The following CAMTA1 variants were observed in gnomAD, a reference collection of about 807,000 sequenced individuals.
The protein encoded by CAMTA1 is calmodulin-binding transcription activator 1.
In CAMTA1, 27 loss-of-function variants were observed where a neutral mutation model predicts 170.9. That is an observed-to-expected ratio of 0.16 (90% CI 0.12 to 0.22). CAMTA1 has a LOEUF of 0.22. Ranked by LOEUF, CAMTA1 falls within the 10% of genes least tolerant of loss-of-function variation. The pLI is 1.00. For synonymous variants in CAMTA1, 833 were observed against 891.5 expected, an observed-to-expected ratio of 0.93 and a Z score of 1.17; for missense variants, 1,619 against 2,217.2, an observed-to-expected ratio of 0.73 and a Z score of 5.42.
intron 3 of CAMTA1, among the ~76,000 whole-genome samples, chr1:6,897,649 G>T (rs77781318): frequency 6.6e-6 from 1 of 152,258 alleles, no homozygotes; most frequent in East Asian, 1.9e-4. Context: ...TTAATTAGAA[G>T]TTAGTGTGTG....
At chr1:7,602,398 C>T (rs1382686282) in intron 6 of CAMTA1, among the ~76,000 whole-genome samples, 3 of 151,928 alleles carry the variant, frequency 2.0e-5, no homozygotes, top group East Asian at 1.9e-4. Context: ...GTGTATGTGT[C>T]GAGGAATTTA....
chr1:7,394,532 C>G (rs2089076649), intron 5 of CAMTA1, among the ~76,000 whole-genome samples: 1 of 152,036 alleles, frequency 6.6e-6, no homozygotes. Context: ...ACTTTTTAAT[C>G]AGATTATTTG....
intron 3 of CAMTA1, among the ~76,000 whole-genome samples, chr1:6,863,021 A>C (rs1665326953): frequency 6.6e-6 from 1 of 152,206 alleles, no homozygotes. Flanking sequence ...AGCTTTGTTG[A>C]GGTATAATTG....
chr1:7,111,127 T>A (rs1167657848), intron 4 of CAMTA1, among the ~76,000 whole-genome samples: 1 of 152,248 alleles, frequency 6.6e-6, no homozygotes, highest in Non-Finnish European at 1.5e-5. Context: ...GCTCTCTTTC[T>A]CTGACCTCCT....
chr1:6,954,757 TG>T (rs1349282499), intron 3 of CAMTA1, among the ~76,000 whole-genome samples: 3 of 152,160 alleles, frequency 2.0e-5, no homozygotes, highest in Admixed American at 2.0e-4. Flanking sequence ...CCTGGGCAGC[TG>T]GAGTGGGAGC....
At chr1:7,722,230 GTC>G (rs1259818271) in intron 11 of CAMTA1, among the ~76,000 whole-genome samples, 1 of 152,200 alleles carries the variant, frequency 6.6e-6, no homozygotes, top group Admixed American at 6.5e-5. Context: ...TCATGAAATT[GTC>G]TCTGTCTTTA....
chr1:7,335,207 T>G (rs1162313950), intron 5 of CAMTA1, among the ~76,000 whole-genome samples: 2 of 124,794 alleles, frequency 1.6e-5, no homozygotes, highest in African/African-American at 6.0e-5. Flanking sequence ...GGGTTTTGTT[T>G]AGATTCTTCT....
At chr1:7,017,134 C>G (rs1042658609) in intron 3 of CAMTA1, among the ~76,000 whole-genome samples, 5 of 152,306 alleles carry the variant, frequency 3.3e-5, no homozygotes, top group African/African-American at 1.2e-4. Flanking sequence ...CCCCGAGTCC[C>G]AGTTGTTTCA....
chr1:7,747,218 G>A (rs1577381440), intron 18 of CAMTA1, among the ~76,000 whole-genome samples: 1 of 152,274 alleles, frequency 6.6e-6, no homozygotes, highest in East Asian at 1.9e-4. Context: ...TCAACTGGAG[G>A]CCTGGGGGCT....
At chr1:7,288,688 C>T (rs1477489805) in intron 5 of CAMTA1, among the ~76,000 whole-genome samples, 1 of 152,188 alleles carries the variant, frequency 6.6e-6, no homozygotes, top group African/African-American at 2.4e-5. Context: ...TGAAAGAGAG[C>T]AGTAACCGTG....
chr1:7,073,723 A>G (rs1399751625), intron 3 of CAMTA1, among the ~76,000 whole-genome samples: 1 of 152,246 alleles, frequency 6.6e-6, no homozygotes, highest in African/African-American at 2.4e-5. Flanking sequence ...GAAATCATTG[A>G]TGACCTTGAC....
intron 5 of CAMTA1, among the ~76,000 whole-genome samples, chr1:7,445,975 G>C (rs1315988141): frequency 6.6e-6 from 1 of 152,080 alleles, no homozygotes; most frequent in African/African-American, 2.4e-5. Context: ...CGTGACCTTG[G>C]ACACAGCTGT....
At chr1:7,055,098 C>T (rs1399611620) in intron 3 of CAMTA1, among the ~76,000 whole-genome samples, 2 of 152,118 alleles carry the variant, frequency 1.3e-5, no homozygotes, top group Non-Finnish European at 2.9e-5. Context: ...CACGAGAACC[C>T]TACCCCCATG....
In CAMTA1 at chr1:7,135,818, C is replaced by T. The variant is rs145384342; in HGVS notation, c.302+44447C>T. On this transcript the variant is annotated intron_variant, in intron 4 of 22. Transcript: ENST00000303635. ...GGTTTTTAATATCCACACAGAGATC[C>T]TTTCAAAACCCAGGAGTACCAGCGA... Among the ~76,000 whole-genome samples, 8 of 152,258 alleles carry T rather than the reference C, an allele frequency of 5.3e-5. No homozygotes were observed. The East Asian group carries it at 1.4e-3, about 26-fold the overall frequency.
chr1:7,388,476 T>G (rs1384158570), intron 5 of CAMTA1: 1 of 152,290 alleles, frequency 6.6e-6, no homozygotes, highest in Non-Finnish European at 1.5e-5. Context: ...CCACACTCCT[T>G]CCTGATTTCA....
rs367638667 is a variant in CAMTA1 at position 6,836,572 on chromosome 1, CATGTGTGTGT to C, written c.234+11383_234+11392del. Among the ~76,000 whole-genome samples the C allele has an allele frequency of 3.3e-3, 500 of 152,206 alleles. 3 individuals carry two copies. Among genetic ancestry groups the C allele is most frequent in the African/African-American group, 0.01 (436 of 41,530 alleles). Reference sequence around the variant, plus strand: ...ATTGGACAAGGTGAAGCAGAGTCCACATGTGTGTGTATGTGTGTGTATGTGTGTGTGCATG... The same window carrying C: ...ATTGGACAAGGTGAAGCAGAGTCCACATGTGTGTGTATGTGTGTGTGCATG... On this transcript the variant is annotated intron_variant, in intron 3 of 22. Transcript: ENST00000303635.
chr1:7,535,144 A>T (rs2094534639), intron 6 of CAMTA1, among the ~76,000 whole-genome samples: 1 of 152,080 alleles, frequency 6.6e-6, no homozygotes, highest in Non-Finnish European at 1.5e-5. Flanking sequence ...GTGAGAGCTG[A>T]GTCCAAAGGA....
At chr1:6,792,640 G>A (rs1203114509) in intron 1 of CAMTA1, among the ~76,000 whole-genome samples, 2 of 152,024 alleles carry the variant, frequency 1.3e-5, no homozygotes, top group African/African-American at 4.8e-5. Flanking sequence ...AATGACTAGA[G>A]ATTTTTTTTT....
intron 6 of CAMTA1, among the ~76,000 whole-genome samples, chr1:7,490,434 C>T (rs1245445058): frequency 1.3e-5 from 2 of 152,152 alleles, no homozygotes; most frequent in African/African-American, 4.8e-5. Context: ...GGCGGTTCAC[C>T]TGAGGTCAGG....
Sources: allele counts gnomAD v4.1 joint callset (sites outside exome capture counted in the v4.1 genomes callset), GRCh38; gene constraint gnomAD v4.1.1; transcripts MANE v1.5; gene names NCBI Gene and HGNC (gene_info 2026-07-23, HGNC 2026-07-21).